PLCB3: variants seen among roughly 807,000 people sequenced by gnomAD.
The protein encoded by PLCB3 is 1-phosphatidylinositol 4,5-bisphosphate phosphodiesterase beta-3.
A neutral mutation model predicts 152.1 loss-of-function variants in PLCB3; 54 were observed. The observed-to-expected ratio is 0.36, with a 90% CI of 0.29 to 0.45. PLCB3 has a LOEUF of 0.45. Among genes scored for constraint, PLCB3 ranks in the 20% least tolerant of loss-of-function variants. PLCB3 has a pLI of 1.00. For missense variants in PLCB3, 1,248 were observed against 1,687.5 expected (o/e 0.74, Z 4.56); for synonymous variants, 717 against 698.7 (o/e 1.03, Z -0.41).
At position 64,267,303 on chromosome 11, in the gene PLCB3, G is replaced by A. The variant is rs1399278973; in HGVS notation, c.3501+32G>A. 6.4e-7 allele frequency: 1 copy of A among 1,550,740 alleles called. No homozygotes were observed. Among genetic ancestry groups the A allele is most frequent in the Non-Finnish European group, 8.7e-7 (1 of 1,146,744 alleles). Reference sequence around the variant, plus strand: ...CCATGGGCGAACAGGTGGGCAGACGGGGTGCAAGGCAGCCAGGCCTCGCCT... The same window carrying A: ...CCATGGGCGAACAGGTGGGCAGACGAGGTGCAAGGCAGCCAGGCCTCGCCT... On this transcript the variant is annotated intron_variant, in intron 30 of 30. Transcript: ENST00000279230. This position sits in a 1 kb window ranked among gnomAD's most constrained non-coding sequence, Gnocchi z 5.2.
At position 64,266,014 on chromosome 11, in the gene PLCB3, A is replaced by C. The variant is rs766104713; in HGVS notation, c.3164A>C (p.Gln1055Pro). 2 of 1,614,054 alleles carry C rather than the reference A, an allele frequency of 1.2e-6. No individual in the cohort carries two copies. Among genetic ancestry groups the C allele is most frequent in the Non-Finnish European group, 1.7e-6 (2 of 1,179,988 alleles). The change falls in exon 26 of 31, where the codon CAG becomes CCG. Residue 1055 changes from glutamine (Q) to proline (P), a missense_variant. By Grantham distance (76) the Gln-to-Pro change is moderately conservative. This residue lies in a region of PLCB3 where 477 missense variants were observed against 489.6 expected (regional missense o/e 0.97). Transcript: ENST00000279230. This position sits in a 1 kb window ranked among gnomAD's most constrained non-coding sequence, Gnocchi z 4.9. ...LREAQVDAEA[Q>P]RRLEHLRQAL... Reference sequence around the variant, plus strand: ...GAGGCCCAGGTGGACGCAGAGGCCCAGCGGAGGCTGGAACACCTGAGACAG... The same window carrying C: ...GAGGCCCAGGTGGACGCAGAGGCCCCGCGGAGGCTGGAACACCTGAGACAG...
chr11:64,256,457 C>A lies in PLCB3; in HGVS notation c.780C>A (p.Asn260Lys). ...INQKQRDPRL[N>K]EVLYPPLRPS... Reference sequence around the variant, plus strand: ...AGAAGCAACGCGACCCGAGACTCAACGAAGTGCTGTACCCGCCCCTGCGGC... The same window carrying A: ...AGAAGCAACGCGACCCGAGACTCAAAGAAGTGCTGTACCCGCCCCTGCGGC... The change falls in exon 9 of 31, where the codon AAC becomes AAA. Residue 260 changes from asparagine (N) to lysine (K), a missense_variant. Physicochemically the swap from Asn to Lys is moderately conservative, Grantham distance 94. Coordinates refer to ENST00000279230, the MANE Select transcript of PLCB3 (RefSeq NM_000932.5). 6.2e-7 allele frequency: 1 copy of A among 1,613,824 alleles called. No homozygotes were observed. The highest frequency in any genetic ancestry group is 8.5e-7 in the Non-Finnish European group (1 of 1,180,018).
Position 64,265,108 on chromosome 11 carries a change from A to C in PLCB3, c.2806+4A>C. ...AGCACCTCCCTCAGCAGCCCAGGTAAGGAGTGGCCTGGGTCGGGGGTGGGC... is the reference window on the plus strand; with the variant it reads ...AGCACCTCCCTCAGCAGCCCAGGTACGGAGTGGCCTGGGTCGGGGGTGGGC... On this transcript the variant is annotated splice_donor_region_variant and intron_variant, in intron 23 of 30. Coordinates refer to ENST00000279230, the MANE Select transcript of PLCB3 (RefSeq NM_000932.5). 1.9e-6 allele frequency: 3 copies of C among 1,552,364 alleles called. No individual in the cohort carries two copies. Among genetic ancestry groups the C allele is most frequent in the Non-Finnish European group, 2.6e-6 (3 of 1,147,036 alleles).
In PLCB3 at chr11:64,265,197, C is replaced by T. The variant is rs760721647; in HGVS notation, c.2812C>T (p.Arg938Cys). 1.0e-5 allele frequency: 16 copies of T among 1,597,522 alleles called. No individual in the cohort carries two copies. Among genetic ancestry groups the T allele is most frequent in the South Asian group, 2.3e-5 (2 of 88,774 alleles). Residue 938 changes from arginine (R) to cysteine (C), a missense_variant, in exon 24 of 31, where the codon CGT becomes TGT. Arg to Cys is a radical substitution (Grantham distance 180). Coordinates refer to ENST00000279230, the MANE Select transcript of PLCB3 (RefSeq NM_000932.5). ...ASTSLSSPGQ[R>C]DDLIASILSE... The stretch of plus-strand genomic sequence containing the variant: ...ACAGGGCCTCTGCTCCCCAGGGCAG[C>T]GTGATGATCTCATCGCCAGCATCCT...
chr11:64,258,639 G>A lies in PLCB3; in HGVS notation c.1179G>A (p.Leu393=), dbSNP rs943269665. The part of the protein sequence containing the change: ...MTTEVPLRDV[L]EAIAETAFKT... ...CAGAGGTGCCTCTGCGCGACGTGCTGGAGGCCATTGCCGAGACTGCCTTCA... is the reference window on the plus strand; with the variant it reads ...CAGAGGTGCCTCTGCGCGACGTGCTAGAGGCCATTGCCGAGACTGCCTTCA... Residue 393 remains leucine, a synonymous_variant, in exon 11 of 31, where the codon CTG becomes CTA. Transcript: ENST00000279230. This position sits in a 1 kb window ranked among gnomAD's most constrained non-coding sequence, Gnocchi z 7.2. The A allele has an allele frequency of 2.5e-6, 4 of 1,613,844 alleles. No homozygotes were observed. The highest frequency in any genetic ancestry group is 1.6e-4 in the Middle Eastern group (1 of 6,084).
intron 17 of PLCB3, 132 bp downstream of exon 17, chr11:64,262,208 G>T (rs373413779): frequency 7.3e-7 from 1 of 1,376,426 alleles, no homozygotes; most frequent in South Asian, 1.2e-5. Flanking sequence ...CCCAGCTCCC[G>T]ACTCACCCCG....
At chr11:64,256,803 C>T (rs2031557207) in intron 10 of PLCB3, 39 bp downstream of exon 10, 2 of 1,602,686 alleles carry the variant, frequency 1.2e-6, no homozygotes, top group Admixed American at 1.7e-5. Context: ...GACCTCTGCC[C>T]TGTGACCCTT....
chr11:64,252,719 C>T (rs1425296229), intron 1 of PLCB3, among the ~76,000 whole-genome samples: 3 of 152,110 alleles, frequency 2.0e-5, no homozygotes, highest in Admixed American at 6.5e-5. Context: ...GAGACCCCTC[C>T]CCCCAGGCTG....
In PLCB3 at chr11:64,256,282, A is replaced by G. The variant is rs2031524104; in HGVS notation, c.699-94A>G. 9 of 1,159,438 alleles carry G rather than the reference A, an allele frequency of 7.8e-6. No individual in the cohort carries two copies. In the African/African-American group the frequency reaches 9.3e-5, roughly 12 times the overall value. The allele number at this position is 1,159,438 out of a possible 1,614,324, so 71.8% of individuals were successfully genotyped here. A position where few individuals can be genotyped will look rare whatever the true frequency, so the allele number is the denominator to read the frequency against. ...CTCACTGGGTGCCAGATCCAGGGGC[A>G]GGCCTTCTGACTCCCTTGCCCAGGG... On this transcript the variant is annotated intron_variant, in intron 8 of 30. Transcript: ENST00000279230.
At chr11:64,257,016 T>TTTTTTTTTC (rs771872374) in intron 10 of PLCB3, among the ~76,000 whole-genome samples, 11 of 120,676 alleles carry the variant, frequency 9.1e-5, no homozygotes, top group Admixed American at 4.8e-4. Context: ...TTTTTTTTTT[T>TTTTTTTTTC]TTTTTGAGAC....
At position 64,267,487 on chromosome 11, in the gene PLCB3, C is replaced by T. The variant is rs774283163; in HGVS notation, c.3636C>T (p.His1212=). 1.4e-5 allele frequency: 22 copies of T among 1,567,682 alleles called. No individual in the cohort carries two copies. Among genetic ancestry groups the T allele is most frequent in the Admixed American group, 1.8e-5 (1 of 54,486 alleles). Residue 1212 remains histidine (H), a synonymous_variant, in exon 31 of 31, where the codon CAC becomes CAT. Transcript: ENST00000279230. The surrounding 1 kb of genome is among the most constrained non-coding windows in gnomAD (Gnocchi z 5.2). ...GPLVACASNG[H]APGSSGHLSG... is the part of the protein sequence containing the mutation. ...TGGTGGCCTGTGCCAGCAACGGTCACGCACCCGGGAGCAGCGGGCACCTGT... is the reference window on the plus strand; with the variant it reads ...TGGTGGCCTGTGCCAGCAACGGTCATGCACCCGGGAGCAGCGGGCACCTGT...
Position 64,265,317 on chromosome 11 carries a change from C to T in PLCB3, c.2850C>T (p.Ala950=). 1 of 1,589,132 alleles carries T rather than the reference C, an allele frequency of 6.3e-7. No homozygotes were observed. Residue 950 remains alanine, a synonymous_variant, in exon 25 of 31, where the codon GCC becomes GCT. Coordinates refer to ENST00000279230, the MANE Select transcript of PLCB3 (RefSeq NM_000932.5). ...DLIASILSEV[A]PTPLDELRGH... is the part of the protein sequence containing the mutation. ...TTGCTCTGCCGCTCCCAGAGGTGGC[C>T]CCCACCCCGCTGGATGAGCTCCGAG...
At chr11:64,264,828 C>A in intron 22 of PLCB3, 123 bp from the exon 23 acceptor site, 3 of 856,656 alleles carry the variant, frequency 3.5e-6, no homozygotes, top group Non-Finnish European at 5.9e-6. Context: ...ACAGAGCAGT[C>A]CAGCAGTGGC....
chr11:64,267,104 G>A lies in PLCB3; in HGVS notation c.3415-81G>A. 7.6e-7 allele frequency: 1 copy of A among 1,313,710 alleles called. No individual in the cohort carries two copies. The highest frequency in any genetic ancestry group is 1.1e-6 in the Non-Finnish European group (1 of 935,058). The allele number at this position is 1,313,710 out of a possible 1,614,324, so 81.4% of individuals were successfully genotyped here. On this transcript the variant is annotated intron_variant, in intron 29 of 30. Coordinates refer to ENST00000279230, the MANE Select transcript of PLCB3 (RefSeq NM_000932.5). This position sits in a 1 kb window ranked among gnomAD's most constrained non-coding sequence, Gnocchi z 5.2. ...CCACTGCACCCGGCCTCGCCCACCT[G>A]ACTTCTATACCCAGCCAGAGCCTCG...
intron 16 of PLCB3, 50 bp downstream of exon 16, chr11:64,261,715 AGGCC>A (rs780577039): frequency 6.9e-5 from 107 of 1,545,486 alleles, no homozygotes; most frequent in Non-Finnish European, 9.5e-5. Context: ...GGGCGCTCGG[AGGCC>A]GGCTCCGGTG....
chr11:64,256,554 G>A lies in PLCB3; in HGVS notation c.865+12G>A, dbSNP rs752742475. 3.7e-6 allele frequency: 6 copies of A among 1,613,426 alleles called. No individual in the cohort carries two copies. In the South Asian group the frequency reaches 5.5e-5, roughly 15 times the overall value. ...GTTTCTGGAGCGAGGTGAGCTGGCTGGGGTGCAGGTGGGTGGGGGCAGGTG... is the reference window on the plus strand; with the variant it reads ...GTTTCTGGAGCGAGGTGAGCTGGCTAGGGTGCAGGTGGGTGGGGGCAGGTG... On this transcript the variant is annotated intron_variant, in intron 9 of 30. Transcript: ENST00000279230.
chr11:64,252,006 C>T (rs1290102016), intron 1 of PLCB3, among the ~76,000 whole-genome samples: 1 of 151,958 alleles, frequency 6.6e-6, no homozygotes, highest in Admixed American at 6.5e-5. Context: ...ACCCCGTCCC[C>T]CCGTTTTCCA....
rs758949240 is a variant in PLCB3 at position 64,265,942 on chromosome 11, A to T, written c.3092A>T (p.Tyr1031Phe). 9.9e-6 allele frequency: 16 copies of T among 1,613,736 alleles called. No individual in the cohort carries two copies. Among genetic ancestry groups the T allele is most frequent in the Non-Finnish European group, 1.4e-5 (16 of 1,180,022 alleles). ...TKEGEDEAKRYQEFQNRQVQS... is the reference protein window; with the variant it reads ...TKEGEDEAKRFQEFQNRQVQS... ...GAGGGGGAGGACGAGGCAAAGCGGT[A>T]TCAGGAGTTCCAGAACAGACAGGTG... Residue 1031 changes from tyrosine (Y) to phenylalanine (F), a missense_variant, in exon 26 of 31, where the codon TAT (tyrosine) becomes TTT (phenylalanine). Tyr to Phe is a conservative substitution (Grantham distance 22). This residue lies in a region of PLCB3 where 477 missense variants were observed against 489.6 expected (regional missense o/e 0.97). Transcript: ENST00000279230.
At position 64,255,631 on chromosome 11, in the gene PLCB3, G is replaced by GGGGGGGC; in HGVS notation, c.597+15_597+16insGGGGGGC. The GGGGGGGC allele has an allele frequency of 1.7e-6, 1 of 604,024 alleles. No individual in the cohort carries two copies. Among genetic ancestry groups the GGGGGGGC allele is most frequent in the Non-Finnish European group, 3.1e-6 (1 of 321,530 alleles). 37.4% of individuals were successfully genotyped at this position (604,024 alleles called of 1,614,324 possible). ...AATTCAACCGGGTGTGTGGGGTGGG[G>GGGGGGGC]ACAGGGGCGGGGTGGGGTGTCACGG... On this transcript the variant is annotated intron_variant, in intron 7 of 30. Transcript: ENST00000279230. This position sits in a 1 kb window ranked among gnomAD's most constrained non-coding sequence, Gnocchi z 6.8.
Sources: gnomAD v4.1 joint callset for allele counts (sites outside exome capture counted in the v4.1 genomes callset) on GRCh38, gnomAD v4.1.1 for gene constraint, gnomAD v4.1.1 regional missense constraint, Gnocchi (gnomAD v3.1) non-coding constraint, MANE v1.5 for transcripts, NCBI Gene and HGNC (gene_info 2026-07-23, HGNC 2026-07-21) for gene names.